The following PRRG1 variants were observed in gnomAD, a reference collection of about 807,000 sequenced individuals.
The protein encoded by PRRG1 is transmembrane gamma-carboxyglutamic acid protein 1.
In PRRG1, 5 loss-of-function variants were observed where a neutral mutation model predicts 11.8. That is an observed-to-expected ratio of 0.42 (90% confidence interval 0.22 to 0.89). PRRG1 has a LOEUF of 0.89. Ranked by LOEUF, PRRG1 falls within the 40% of genes least tolerant of loss-of-function variation. The pLI, the probability that PRRG1 is intolerant of heterozygous loss-of-function variation, is 0.28. For synonymous variants in PRRG1, 66 were observed against 60.4 expected (o/e 1.09, Z -0.43); for missense variants, 155 against 166.1 (o/e 0.93, Z 0.37).
chrX:37,431,204 T>C (rs1023772232), intron 3 of PRRG1, among the ~76,000 whole-genome samples: 3 of 112,506 alleles, frequency 2.7e-5, no homozygotes, highest in African/African-American at 9.7e-5. Flanking sequence ...AAAGCTGTTA[T>C]GAACATTGCA....
chrX:37,349,907 C>T (rs782468070), intron 1 of PRRG1, among the ~76,000 whole-genome samples: 2 of 110,535 alleles, frequency 1.8e-5, no homozygotes, highest in African/African-American at 3.3e-5. Flanking sequence ...CCTTTACCCA[C>T]CCCCGGGAAT....
intron 3 of PRRG1, among the ~76,000 whole-genome samples, chrX:37,432,252 T>C (rs1932837276): frequency 1.8e-5 from 2 of 110,316 alleles, no homozygotes; most frequent in Non-Finnish European, 3.8e-5. Flanking sequence ...CACGCCCGGC[T>C]AATTTTTTGT....
chrX:37,402,323 A>G (rs1404015583), intron 1 of PRRG1, among the ~76,000 whole-genome samples: 2 of 111,587 alleles, frequency 1.8e-5, no homozygotes, highest in Non-Finnish European at 3.8e-5. Context: ...GCCCTCAGAA[A>G]TAATACTGCA....
intron 1 of PRRG1, among the ~76,000 whole-genome samples, chrX:37,399,149 C>T (rs868909368): frequency 0.013 from 1,435 of 110,515 alleles, 22 homozygotes; most frequent in African/African-American, 0.044. Context: ...AGATACTCCT[C>T]GAGAAGAGCA....
chrX:37,368,452 G>GT (rs1930649611), intron 1 of PRRG1, among the ~76,000 whole-genome samples: 1 of 111,281 alleles, frequency 9.0e-6, no homozygotes, highest in Admixed American at 9.5e-5. Flanking sequence ...TAATACATTT[G>GT]TTTTTTATAT....
intron 3 of PRRG1, among the ~76,000 whole-genome samples, chrX:37,426,252 TAGGA>T (rs1556388397): frequency 3.6e-5 from 4 of 111,134 alleles, no homozygotes; most frequent in Non-Finnish European, 7.5e-5. Flanking sequence ...TCTTGGCGAG[TAGGA>T]AGGATTTGAT....
chrX:37,428,608 G>A (rs187340633), intron 3 of PRRG1, among the ~76,000 whole-genome samples: 21 of 112,092 alleles, frequency 1.9e-4, no homozygotes, highest in Admixed American at 1.4e-3. Context: ...GTACAGCCTC[G>A]CTCCTGGTTG....
intron 1 of PRRG1, among the ~76,000 whole-genome samples, chrX:37,380,535 T>C (rs1308589024): frequency 8.1e-5 from 9 of 111,213 alleles, no homozygotes; most frequent in East Asian, 2.8e-4. Flanking sequence ...TCTGGACTCA[T>C]TGGGTTTTTA....
intron 3 of PRRG1, among the ~76,000 whole-genome samples, chrX:37,428,611 C>T (rs1211655818): frequency 1.8e-5 from 2 of 112,232 alleles, no homozygotes; most frequent in African/African-American, 6.5e-5. Flanking sequence ...CAGCCTCGCT[C>T]CTGGTTGCTT....
Position 37,351,870 on chromosome X carries a change from G to A in PRRG1, c.-42+2475G>A, listed in dbSNP as rs187114586. ...AGGTTGCCAGATGGTATTCTCTGAA[G>A]GGTGATGTAACTAAAGAAAGCTGTA... On this transcript the variant is annotated intron_variant, in intron 1 of 3. Transcript: ENST00000378628. 4.9e-4 allele frequency among the ~76,000 whole-genome samples: 55 copies of A among 112,772 alleles called. 1 individual carries two copies. Among genetic ancestry groups the A allele is most frequent in the Admixed American group, 4.6e-3 (49 of 10,751 alleles).
At chrX:37,452,088 A>G (rs992039030) in intron 3 of PRRG1, among the ~76,000 whole-genome samples, 1 of 112,579 alleles carries the variant, frequency 8.9e-6, no homozygotes, top group African/African-American at 3.2e-5. Context: ...TAATACCTGC[A>G]AATAAACATG....
intron 1 of PRRG1, among the ~76,000 whole-genome samples, chrX:37,375,124 C>G (rs1556371738): frequency 9.0e-6 from 1 of 111,667 alleles, no homozygotes; most frequent in Admixed American, 9.5e-5. Flanking sequence ...GTTGTATCCC[C>G]CTGTTATTAT....
intron 1 of PRRG1, among the ~76,000 whole-genome samples, chrX:37,402,268 G>A (rs1932021879): frequency 9.0e-6 from 1 of 111,559 alleles, no homozygotes; most frequent in Non-Finnish European, 1.9e-5. Context: ...AAACAGCATG[G>A]TACTGGTACC....
chrX:37,406,099 T>A, intron 1 of PRRG1, 110 bp from the exon 2 acceptor site: 1 of 604,744 alleles, frequency 1.7e-6, no homozygotes, highest in African/African-American at 2.3e-5. Flanking sequence ...GATTGGAATG[T>A]ACTGAAATGA....
At chrX:37,419,294 A>C (rs1184505709) in intron 2 of PRRG1, among the ~76,000 whole-genome samples, 1 of 111,855 alleles carries the variant, frequency 8.9e-6, no homozygotes, top group Non-Finnish European at 1.9e-5. Flanking sequence ...CAGTGATGAT[A>C]AGCTATCAAC....
intron 1 of PRRG1, among the ~76,000 whole-genome samples, chrX:37,391,025 T>C (rs1556376527): frequency 8.9e-6 from 1 of 111,939 alleles, no homozygotes; most frequent in East Asian, 2.8e-4. Context: ...CTCCTGAGCA[T>C]TCAAGAAATG....
At chrX:37,354,494 G>T (rs1410321044) in intron 1 of PRRG1, among the ~76,000 whole-genome samples, 1 of 108,219 alleles carries the variant, frequency 9.2e-6, no homozygotes, top group South Asian at 4.1e-4. Flanking sequence ...CTGGGTTCAC[G>T]CCATTCTCCT....
intron 2 of PRRG1, among the ~76,000 whole-genome samples, chrX:37,414,611 A>G (rs781855847): frequency 8.9e-6 from 1 of 112,984 alleles, no homozygotes; most frequent in African/African-American, 3.2e-5. Flanking sequence ...TCTCCTTCAG[A>G]CAGAACAACT....
rs1921164857 is a variant in PRRG1, at chrX:37,452,140, G to A, written c.172-996G>A. ...TTTGATAAATGCAGTGAATAGCATTGCAATTGAGGGTGATCTTTGTATCAA... is the reference window on the plus strand; with the variant it reads ...TTTGATAAATGCAGTGAATAGCATTACAATTGAGGGTGATCTTTGTATCAA... On this transcript the variant is annotated intron_variant, in intron 3 of 3. Transcript: ENST00000378628. Among the ~76,000 whole-genome samples the A allele has an allele frequency of 4.4e-5, 5 of 112,375 alleles. No homozygotes were observed. In the Admixed American group the frequency reaches 4.7e-4, roughly 11 times the overall value.
Sources: gnomAD v4.1 joint callset for allele counts (sites outside exome capture counted in the v4.1 genomes callset) on GRCh38, gnomAD v4.1.1 for gene constraint, MANE v1.5 for transcripts, NCBI Gene and HGNC (gene_info 2026-07-23, HGNC 2026-07-21) for gene names.